The following GPC6 variants were observed in gnomAD, a reference collection of about 807,000 sequenced individuals.
The protein encoded by GPC6 is glypican-6.
In GPC6, 14 loss-of-function variants were observed where a neutral mutation model predicts 55.2. The ratio of observed to expected loss-of-function variants is 0.25; its 90% confidence interval spans 0.17 to 0.40. The LOEUF is 0.40. Among genes scored for constraint, GPC6 ranks in the 10% least tolerant of loss-of-function variants. The probability of loss-of-function intolerance (pLI) is 1.00; values close to 1 mark genes in which losing one functional copy is unlikely to be tolerated. For synonymous variants in GPC6, 278 were observed against 259.6 expected, an observed-to-expected ratio of 1.07 and a Z score of -0.68; for missense variants, 641 against 708.5, an observed-to-expected ratio of 0.90 and a Z score of 1.08.
At chr13:94,263,409 C>T (rs1377520458) in intron 4 of GPC6, among the ~76,000 whole-genome samples, 1 of 152,198 alleles carries the variant, frequency 6.6e-6, no homozygotes. Flanking sequence ...TAGCATAACA[C>T]AAATCCATTA....
chr13:94,058,110 C>T (rs1884191343), intron 4 of GPC6, among the ~76,000 whole-genome samples: 2 of 152,116 alleles, frequency 1.3e-5, no homozygotes, highest in African/African-American at 2.4e-5. Flanking sequence ...AAAACCTTTG[C>T]CTTTACGGAA....
Position 94,404,324 on chromosome 13 carries a change from T to C in GPC6, c.*1107T>C, listed in dbSNP as rs748384190. 1 of 152,140 alleles carries C rather than the reference T, an allele frequency of 6.6e-6. No homozygotes were observed. Among genetic ancestry groups the C allele is most frequent in the African/African-American group, 2.4e-5 (1 of 41,438 alleles). 9.4% of individuals were successfully genotyped at this position (152,140 alleles called of 1,614,324 possible). A position where few individuals can be genotyped will look rare whatever the true frequency, so the allele number is the denominator to read the frequency against. ...CAAGACAAAAAATATATATATATAG[T>C]ATTGACATGGAGATTTCTTTCACTT... On this transcript the variant is annotated 3_prime_UTR_variant, in exon 9 of 9. Transcript: ENST00000377047.
chr13:94,148,619 T>C (rs1344635241), intron 4 of GPC6, among the ~76,000 whole-genome samples: 1 of 152,304 alleles, frequency 6.6e-6, no homozygotes, highest in Non-Finnish European at 1.5e-5. Context: ...GTAGCGACCA[T>C]TACATGTTAT....
intron 3 of GPC6, among the ~76,000 whole-genome samples, chr13:94,022,370 T>G (rs1233451111): frequency 6.6e-6 from 1 of 152,036 alleles, no homozygotes. Context: ...CTTTTTTCAC[T>G]TAGGATAATG....
rs114789054 is a variant in GPC6 at position 93,339,040 on chromosome 13, G to A, written c.160+111424G>A. Among the ~76,000 whole-genome samples, 824 of 152,156 alleles carry A rather than the reference G, an allele frequency of 5.4e-3. 6 individuals are homozygous for A. Among genetic ancestry groups the A allele is most frequent in the African/African-American group, 0.019 (782 of 41,490 alleles). On this transcript the variant is annotated intron_variant, in intron 1 of 8. Transcript: ENST00000377047. ...GAGAACCACTGCTCTAATCTTGAAC[G>A]TTTCCAGTGATGAAAGGCTTGCTCA...
chr13:93,313,897 G>T (rs1879158384), intron 1 of GPC6, among the ~76,000 whole-genome samples: 1 of 152,086 alleles, frequency 6.6e-6, no homozygotes, highest in East Asian at 1.9e-4. Context: ...TTCTCCAACT[G>T]GCTATTTCAT....
rs76033320 is a variant in GPC6 at position 93,355,624 on chromosome 13, C to T, written c.160+128008C>T. 7.2e-3 allele frequency among the ~76,000 whole-genome samples: 1,101 copies of T among 152,174 alleles called. 14 individuals are homozygous for T. The highest frequency in any genetic ancestry group is 0.025 in the African/African-American group (1,049 of 41,506). On this transcript the variant is annotated intron_variant, in intron 1 of 8. Coordinates refer to ENST00000377047, the MANE Select transcript of GPC6 (RefSeq NM_005708.5). ...ATCAAGGTGAAGTGTTTCTTAACTCCAGAGGCTCTGAAATGTTTTGAAAGG... is the reference window on the plus strand; with the variant it reads ...ATCAAGGTGAAGTGTTTCTTAACTCTAGAGGCTCTGAAATGTTTTGAAAGG...
At chr13:94,104,165 G>A (rs1405286582) in intron 4 of GPC6, among the ~76,000 whole-genome samples, 4 of 152,156 alleles carry the variant, frequency 2.6e-5, no homozygotes, top group African/African-American at 7.2e-5. Context: ...TCTTGTTTTT[G>A]TCAGGTTTGT....
chr13:93,668,955 T>G (rs938397698), intron 2 of GPC6, among the ~76,000 whole-genome samples: 2 of 152,206 alleles, frequency 1.3e-5, no homozygotes, highest in South Asian at 4.1e-4. Context: ...TTCCCTGTTA[T>G]TCGAATAAGA....
intron 4 of GPC6, among the ~76,000 whole-genome samples, chr13:94,210,159 T>A (rs957833655): frequency 4.5e-5 from 3 of 66,754 alleles, no homozygotes; most frequent in Admixed American, 4.1e-4. Context: ...TATGTTTAAT[T>A]TTTTTTTTTT....
At chr13:93,665,149 A>G (rs989718810) in intron 2 of GPC6, among the ~76,000 whole-genome samples, 3 of 152,218 alleles carry the variant, frequency 2.0e-5, no homozygotes, top group Non-Finnish European at 4.4e-5. Flanking sequence ...TGCAACCTTT[A>G]AGTATAAGAA....
intron 4 of GPC6, among the ~76,000 whole-genome samples, chr13:94,121,585 G>A (rs1256174383): frequency 6.6e-6 from 1 of 152,004 alleles, no homozygotes; most frequent in African/African-American, 2.4e-5. Flanking sequence ...TTGAAATTAG[G>A]ATACACGGCA....
chr13:93,878,431 C>T (rs1462279451), intron 3 of GPC6, among the ~76,000 whole-genome samples: 1 of 151,980 alleles, frequency 6.6e-6, no homozygotes, highest in Non-Finnish European at 1.5e-5. Context: ...GGCTGGAGTG[C>T]AGTGGCACCA....
intron 3 of GPC6, among the ~76,000 whole-genome samples, chr13:93,963,989 T>A (rs1879904919): frequency 6.6e-6 from 1 of 152,184 alleles, no homozygotes; most frequent in Non-Finnish European, 1.5e-5. Flanking sequence ...TTTTCATCCT[T>A]TCTAATGACT....
At chr13:93,848,529 A>G (rs894441653) in intron 3 of GPC6, among the ~76,000 whole-genome samples, 1 of 151,846 alleles carries the variant, frequency 6.6e-6, no homozygotes, top group East Asian at 1.9e-4. Flanking sequence ...ATCAAATACC[A>G]CTTTGATGAG....
intron 4 of GPC6, among the ~76,000 whole-genome samples, chr13:94,152,816 G>A (rs181972946): frequency 5.9e-5 from 9 of 152,088 alleles, no homozygotes; most frequent in East Asian, 1.9e-4. Context: ...ATTTTTAAAC[G>A]GGAGCTTTTT....
chr13:94,276,763 A>G (rs776217916), intron 4 of GPC6, among the ~76,000 whole-genome samples: 2 of 152,212 alleles, frequency 1.3e-5, no homozygotes, highest in Non-Finnish European at 2.9e-5. Flanking sequence ...TGGAAAGGAC[A>G]TGATCTCATT....
chr13:94,089,039 GT>G (rs1274432838), intron 4 of GPC6, among the ~76,000 whole-genome samples: 1 of 152,184 alleles, frequency 6.6e-6, no homozygotes, highest in African/African-American at 2.4e-5. Flanking sequence ...TTATGCAGCT[GT>G]GCTTGAGTAC....
At chr13:93,451,442 C>G (rs567207362) in intron 1 of GPC6, among the ~76,000 whole-genome samples, 1 of 152,106 alleles carries the variant, frequency 6.6e-6, no homozygotes, top group African/African-American at 2.4e-5. Flanking sequence ...ATGGCTTTTA[C>G]GTTTTTAAAT....
Sources: gnomAD v4.1 joint callset for allele counts (sites outside exome capture counted in the v4.1 genomes callset) on GRCh38, gnomAD v4.1.1 for gene constraint, MANE v1.5 for transcripts, NCBI Gene and HGNC (gene_info 2026-07-23, HGNC 2026-07-21) for gene names.